Variants in SOX6 observed in about 807,000 individuals in gnomAD.
The protein encoded by SOX6 is transcription factor SOX-6.
In SOX6, 11 loss-of-function variants were observed where a neutral mutation model predicts 97.8. The ratio of observed to expected loss-of-function variants is 0.11; its 90% CI spans 0.07 to 0.19. The LOEUF is 0.19. Ranked by LOEUF, SOX6 falls within the 10% of genes least tolerant of loss-of-function variation. SOX6 has a pLI of 1.00. For synonymous variants in SOX6, 360 were observed against 371.4 expected, an observed-to-expected ratio of 0.97 and a Z score of 0.35; for missense variants, 810 against 1,039.5, an observed-to-expected ratio of 0.78 and a Z score of 3.04.
intron 4 of SOX6, among the ~76,000 whole-genome samples, chr11:16,486,341 C>T (rs1860433583): frequency 1.3e-5 from 2 of 152,018 alleles, no homozygotes; most frequent in Admixed American, 1.3e-4. Flanking sequence ...CTTCATGCCC[C>T]TTGCTTTTCT....
intron 3 of SOX6, among the ~76,000 whole-genome samples, chr11:16,622,092 T>A (rs543223650): frequency 1.3e-5 from 2 of 152,310 alleles, no homozygotes; most frequent in Admixed American, 6.5e-5. Context: ...AGTAAAAAAT[T>A]CAATTTTATT....
At chr11:16,122,521 A>G (rs1027740498) in intron 6 of SOX6, among the ~76,000 whole-genome samples, 2 of 152,032 alleles carry the variant, frequency 1.3e-5, no homozygotes, top group African/African-American at 4.8e-5. Context: ...CTTTGTAACA[A>G]CCAAATTCAG....
chr11:16,382,632 T>C (rs1857858997), intron 1 of SOX6, among the ~76,000 whole-genome samples: 1 of 151,980 alleles, frequency 6.6e-6, no homozygotes, highest in South Asian at 2.1e-4. Context: ...AGAGGAAATC[T>C]CTCAACTTGG....
Position 16,002,925 on chromosome 11 carries a change from C to T in SOX6, c.1732+12017G>A, listed in dbSNP as rs551245794. 1.6e-3 allele frequency among the ~76,000 whole-genome samples: 243 copies of T among 152,278 alleles called. 1 individual carries two copies. Among genetic ancestry groups the T allele is most frequent in the African/African-American group, 5.4e-3 (226 of 41,552 alleles). The stretch of plus-strand genomic sequence containing the variant: ...CTCTCATTTCAATCTTTATCGATTG[C>T]CTTAGCCTTCACTATCTTTGCTGGA... On this transcript the variant is annotated intron_variant, in intron 13 of 15. Transcript: ENST00000683767.
At chr11:16,442,436 G>A (rs967806890) in intron 1 of SOX6, among the ~76,000 whole-genome samples, 3 of 152,082 alleles carry the variant, frequency 2.0e-5, no homozygotes, top group Non-Finnish European at 2.9e-5. Flanking sequence ...ACACAGAAAT[G>A]AAGAAACCAA....
intron 4 of SOX6, among the ~76,000 whole-genome samples, chr11:16,561,737 C>T (rs1847817295): frequency 6.6e-6 from 1 of 151,992 alleles, no homozygotes; most frequent in Admixed American, 6.6e-5. Context: ...ATGTTATTTA[C>T]TTTTCTTTAA....
At chr11:16,598,246 T>C (rs1426376427) in intron 4 of SOX6, among the ~76,000 whole-genome samples, 2 of 152,070 alleles carry the variant, frequency 1.3e-5, no homozygotes, top group Admixed American at 6.5e-5. Flanking sequence ...TTAGGGATTA[T>C]ACCATGGATA....
chr11:16,656,595 T>C (rs921488804), intron 3 of SOX6, among the ~76,000 whole-genome samples: 6 of 152,188 alleles, frequency 3.9e-5, no homozygotes, highest in African/African-American at 1.4e-4. Context: ...AATCTCAAAA[T>C]TTTCCACTAA....
chr11:16,725,426 G>A (rs1848299710), intron 2 of SOX6, among the ~76,000 whole-genome samples: 1 of 152,042 alleles, frequency 6.6e-6, no homozygotes, highest in Non-Finnish European at 1.5e-5. Context: ...TGAGGAGGCT[G>A]AGACAGAGGT....
At chr11:16,566,064 C>T (rs894602644) in intron 4 of SOX6, among the ~76,000 whole-genome samples, 1 of 148,536 alleles carries the variant, frequency 6.7e-6, no homozygotes, top group Non-Finnish European at 1.5e-5. Flanking sequence ...CCACTGCACT[C>T]CAGCCTAGGT....
intron 12 of SOX6, among the ~76,000 whole-genome samples, chr11:16,046,057 A>G (rs1855818496): frequency 6.6e-6 from 1 of 152,178 alleles, no homozygotes; most frequent in Admixed American, 6.5e-5. Flanking sequence ...AAACCAAATG[A>G]ATGCAATTTG....
chr11:16,440,119 A>G (rs968146124), intron 1 of SOX6, among the ~76,000 whole-genome samples: 25 of 152,216 alleles, frequency 1.6e-4, no homozygotes, highest in African/African-American at 5.3e-4. Flanking sequence ...AAGTACTCCA[A>G]TATTACAAAG....
intron 4 of SOX6, among the ~76,000 whole-genome samples, chr11:16,489,150 C>G (rs1177327255): frequency 2.0e-5 from 3 of 152,110 alleles, no homozygotes; most frequent in Non-Finnish European, 4.4e-5. Flanking sequence ...TAGGTAAACA[C>G]TTTCCATTTT....
intron 4 of SOX6, among the ~76,000 whole-genome samples, chr11:16,593,621 A>G (rs1848178633): frequency 6.6e-6 from 1 of 152,220 alleles, no homozygotes; most frequent in Non-Finnish European, 1.5e-5. Context: ...TGCAAAGGGC[A>G]TAAAGTGATA....
At chr11:16,709,619 C>T (rs182249127) in intron 3 of SOX6, among the ~76,000 whole-genome samples, 69 of 152,260 alleles carry the variant, frequency 4.5e-4, no homozygotes, top group Admixed American at 1.2e-3. Flanking sequence ...GAGGCCTCCC[C>T]AGAAGCCAAG....
intron 2 of SOX6, among the ~76,000 whole-genome samples, chr11:16,721,637 C>CT: frequency 7.4e-6 from 1 of 134,810 alleles, no homozygotes; most frequent in African/African-American, 2.8e-5. Flanking sequence ...CTCTCTCTCT[C>CT]TCTCTCTCTC....
chr11:16,111,435 G>A (rs902809284), intron 7 of SOX6, among the ~76,000 whole-genome samples: 1 of 152,078 alleles, frequency 6.6e-6, no homozygotes, highest in Non-Finnish European at 1.5e-5. Context: ...ATTTTATACT[G>A]AATGTGATCA....
At chr11:16,134,571 T>A (rs1849906824) in intron 6 of SOX6, among the ~76,000 whole-genome samples, 1 of 152,260 alleles carries the variant, frequency 6.6e-6, no homozygotes, top group Admixed American at 6.5e-5. Flanking sequence ...ATGTGCTCAC[T>A]TTGTTTCTTT....
intron 4 of SOX6, among the ~76,000 whole-genome samples, chr11:16,541,062 C>T (rs553903706): frequency 7.2e-5 from 11 of 152,176 alleles, no homozygotes; most frequent in Non-Finnish European, 1.2e-4. Flanking sequence ...CACTACCTGA[C>T]TTCAAACTAT....
Sources: gnomAD v4.1 joint callset for allele counts (sites outside exome capture counted in the v4.1 genomes callset) on GRCh38, gnomAD v4.1.1 for gene constraint, MANE v1.5 for transcripts, NCBI Gene and HGNC (gene_info 2026-07-23, HGNC 2026-07-21) for gene names.